CHFR: variants seen among roughly 807,000 people sequenced by gnomAD.
CHFR encodes the protein E3 ubiquitin-protein ligase CHFR.
Under a neutral mutation model 87.6 loss-of-function variants are expected in CHFR, and 57 were observed. The ratio of observed to expected loss-of-function variants is 0.65; its 90% confidence interval spans 0.53 to 0.81. CHFR has a LOEUF of 0.81. Among genes scored for constraint, CHFR ranks in the 30% least tolerant of loss-of-function variants. CHFR has a pLI of 0.00. For synonymous variants in CHFR, 381 were observed against 359.2 expected (o/e 1.06, Z -0.69); for missense variants, 797 against 865.8 (o/e 0.92, Z 1.00).
chr12:132,870,204 T>C (rs958270044), intron 5 of CHFR, among the ~76,000 whole-genome samples: 4 of 151,978 alleles, frequency 2.6e-5, no homozygotes, highest in South Asian at 2.1e-4. Flanking sequence ...TACAAAAAAT[T>C]AGCTGGGCAT....
Position 132,839,672 on chromosome 12 carries a change from C to CGG in CHFR, c.*1881_*1882insCC, listed in dbSNP as rs1410612498. The CGG allele has an allele frequency of 4.9e-5, 8 of 164,394 alleles. No individual in the cohort carries two copies. The highest frequency in any genetic ancestry group is 9.8e-5 in the South Asian group (1 of 10,158). The allele number at this position is 164,394 out of a possible 1,614,324, so 10.2% of individuals were successfully genotyped here. A position where few individuals can be genotyped will look rare whatever the true frequency, so the allele number is the denominator to read the frequency against. Reference sequence around the variant, plus strand: ...TGCACAAACTCAGGACCTCCCCTCTCCCTCACCCCTGCACCAACTCAAGAC... The same window carrying CGG: ...TGCACAAACTCAGGACCTCCCCTCTCGGCCTCACCCCTGCACCAACTCAAGAC... On this transcript the variant is annotated 3_prime_UTR_variant, in exon 18 of 18. Transcript: ENST00000450056.
At chr12:132,866,360 A>G (rs1566192980) in intron 6 of CHFR, 1 of 152,228 alleles carries the variant, frequency 6.6e-6, no homozygotes, top group East Asian at 1.9e-4. Flanking sequence ...CTGGAATGTT[A>G]CAACACACCA....
At position 132,835,898 on chromosome 12, in the gene CHFR, C is replaced by G. The variant is rs1415622088; in HGVS notation, c.*5656G>C. 1 of 261,302 alleles carries G rather than the reference C, an allele frequency of 3.8e-6. No individual in the cohort carries two copies. Among genetic ancestry groups the G allele is most frequent in the African/African-American group, 3.0e-5 (1 of 33,196 alleles). 16.2% of individuals were successfully genotyped at this position (261,302 alleles called of 1,614,324 possible). On this transcript the variant is annotated 3_prime_UTR_variant, in exon 18 of 18. Coordinates refer to ENST00000450056, the MANE Select transcript of CHFR (RefSeq NM_001161346.2). ...GCACGGCGCACGGCACTCACAGTGC[C>G]AGGCTCCCAGCACGGCGCACGGCAC... is the stretch of plus-strand genomic sequence containing the variant.
In CHFR at chr12:132,847,145, A is replaced by C; in HGVS notation, c.1648-15T>G. The stretch of plus-strand genomic sequence containing the variant: ...GCCAGGTAATTCTGTGACGCAAAAA[A>C]AGAGAGGAATAAGAAATACTCGTTT... On this transcript the variant is annotated splice_polypyrimidine_tract_variant and intron_variant, in intron 14 of 17. Coordinates refer to ENST00000450056, the MANE Select transcript of CHFR (RefSeq NM_001161346.2). 1.9e-6 allele frequency: 3 copies of C among 1,613,256 alleles called. No individual in the cohort carries two copies. Among genetic ancestry groups the C allele is most frequent in the Non-Finnish European group, 2.5e-6 (3 of 1,179,462 alleles).
intron 16 of CHFR, 22 bp from the exon 17 acceptor site, chr12:132,843,105 G>C (rs766957926): frequency 6.2e-7 from 1 of 1,605,040 alleles, no homozygotes; most frequent in Non-Finnish European, 8.5e-7. Context: ...GAAGGGGTAC[G>C]CATCTATGAG....
In CHFR at chr12:132,869,743, C is replaced by T. The variant is rs777219646; in HGVS notation, c.459G>A (p.Ser153=). 5.2e-6 allele frequency: 8 copies of T among 1,551,196 alleles called. No homozygotes were observed. The highest frequency in any genetic ancestry group is 2.4e-5 in the East Asian group (1 of 40,914). The change falls in exon 6 of 18, where the codon TCG becomes TCA. Residue 153 remains serine (S), a synonymous_variant. Transcript: ENST00000450056. ...CCTCAAAGCACACCTGAGTGGCGGG[C>T]GACGACGGAGGGACCCGGGGATCGG... ...RGADPRVPPS[S]PATQVCFEEP...
intron 6 of CHFR, chr12:132,866,613 A>AT: frequency 6.6e-6 from 1 of 151,582 alleles, no homozygotes; most frequent in South Asian, 2.1e-4. Flanking sequence ...CACACCAGAA[A>AT]GTTACAACAC....
chr12:132,873,710 C>G (rs1951550361), intron 3 of CHFR, among the ~76,000 whole-genome samples: 1 of 151,616 alleles, frequency 6.6e-6, no homozygotes, highest in Non-Finnish European at 1.5e-5. Flanking sequence ...TCTGTGTCCT[C>G]CTGCTCCACA....
Position 132,851,711 on chromosome 12 carries a change from G to A in CHFR, c.1399C>T (p.Gln467Ter), listed in dbSNP as rs2136945164. ...TAVQDYVCPL[Q>*]GSHALCTCCF... ...CAGGTGCACAGGGCGTGGCTTCCTT[G>A]CAGAGGGCACACGTAATCCTGGACT... The change falls in exon 12 of 18, where the codon CAA (glutamine) becomes TAA (stop). Residue 467 changes from glutamine (Q) to a stop codon, truncating the protein, a stop_gained. Coordinates refer to ENST00000450056, the MANE Select transcript of CHFR (RefSeq NM_001161346.2). LOFTEE classifies it high-confidence loss of function. 4 of 1,613,472 alleles carry A rather than the reference G, an allele frequency of 2.5e-6. No homozygotes were observed. In the South Asian group the frequency reaches 4.4e-5, roughly 18 times the overall value.
chr12:132,847,635 C>T (rs1259930872), intron 14 of CHFR: 14 of 1,079,376 alleles, frequency 1.3e-5, no homozygotes, highest in East Asian at 1.5e-4. Context: ...GCAAAGTGCT[C>T]GGCAGGAGGG....
rs1950626412 is a variant in CHFR, at chr12:132,832,986, TG to T, written c.*8567del. On this transcript the variant is annotated 3_prime_UTR_variant, in exon 18 of 18. Transcript: ENST00000450056. ...GCCTCTTCTGGACATTTCATAGAAATGGGATCATATCGTATGTGGCCTTCTG... is the reference window on the plus strand; with the variant it reads ...GCCTCTTCTGGACATTTCATAGAAATGGATCATATCGTATGTGGCCTTCTG... 1 of 152,218 alleles carries T rather than the reference TG, an allele frequency of 6.6e-6. No individual in the cohort carries two copies. The highest frequency in any genetic ancestry group is 1.5e-5 in the Non-Finnish European group (1 of 68,044). The allele number at this position is 152,218 out of a possible 1,614,324, so 9.4% of individuals were successfully genotyped here. A position where few individuals can be genotyped will look rare whatever the true frequency, so the allele number is the denominator to read the frequency against.
intron 2 of CHFR, among the ~76,000 whole-genome samples, chr12:132,878,745 G>A (rs12828130): frequency 0.27 from 39,904 of 147,872 alleles, 5,690 homozygotes; most frequent in Middle Eastern, 0.43. Context: ...GCGAGAACCC[G>A]GGAGGAGGAG....
chr12:132,851,534 TA>T (rs1348510957), intron 12 of CHFR, 83 bp downstream of exon 12: 4 of 1,412,612 alleles, frequency 2.8e-6, no homozygotes, highest in Non-Finnish European at 3.7e-6. Flanking sequence ...CTTCACAGGT[TA>T]CCCTAAGGCC....
In CHFR at chr12:132,856,626, CTT is replaced by C. The variant is rs777961507; in HGVS notation, c.1069_1070del (p.Lys357GlufsTer4). Reference protein sequence around the residue: ...VEAYLIQHPDKSRSEEDVQSM... With the variant: ...VEAYLIQHPDXSRSEEDVQSM... ...TTTGCACATCTTCTTCACTGCGACT[CTT>C]GTCTAGAATTGAAAGGACACAGCGC... On this transcript the variant is annotated frameshift_variant and splice_region_variant, in exon 10 of 18. Transcript: ENST00000450056. LOFTEE classifies it high-confidence loss of function. The C allele has an allele frequency of 1.9e-6, 3 of 1,613,944 alleles. No homozygotes were observed. Among genetic ancestry groups the C allele is most frequent in the Non-Finnish European group, 2.5e-6 (3 of 1,179,938 alleles).
chr12:132,842,892 C>A (rs1950732101), intron 17 of CHFR, 119 bp downstream of exon 17: 6 of 793,156 alleles, frequency 7.6e-6, no homozygotes, highest in African/African-American at 1.7e-5. Context: ...AATGAAGATA[C>A]CGGTTCCTAA....
chr12:132,876,383 C>T (rs1315700355), intron 3 of CHFR, among the ~76,000 whole-genome samples: 1 of 152,086 alleles, frequency 6.6e-6, no homozygotes, highest in Non-Finnish European at 1.5e-5. Flanking sequence ...ACCAACAAGA[C>T]ACTCAAAAAA....
In CHFR at chr12:132,856,464, T is replaced by C; in HGVS notation, c.1229+4A>G. On this transcript the variant is annotated splice_donor_region_variant and intron_variant, in intron 10 of 17. Coordinates refer to ENST00000450056, the MANE Select transcript of CHFR (RefSeq NM_001161346.2). ...CTCTGCTCTGAGCCAGGGGCATGAT[T>C]TACCTAATGTCTGAGGACTCACTGT... is the stretch of plus-strand genomic sequence containing the variant. 1 of 1,613,834 alleles carries C rather than the reference T, an allele frequency of 6.2e-7. No individual in the cohort carries two copies. Among genetic ancestry groups the C allele is most frequent in the Non-Finnish European group, 8.5e-7 (1 of 1,180,004 alleles).
chr12:132,864,756 G>A (rs1951295556), intron 6 of CHFR, among the ~76,000 whole-genome samples: 1 of 152,138 alleles, frequency 6.6e-6, no homozygotes, highest in African/African-American at 2.4e-5. Flanking sequence ...CCAAAGTGCT[G>A]GGATTACAGG....
In CHFR at chr12:132,844,007, G is replaced by A; in HGVS notation, c.1843+20C>T. The A allele has an allele frequency of 1.3e-6, 2 of 1,502,596 alleles. No individual in the cohort carries two copies. The highest frequency in any genetic ancestry group is 3.4e-4 in the Middle Eastern group (2 of 5,860). The allele number at this position is 1,502,596 out of a possible 1,614,324, so 93.1% of individuals were successfully genotyped here. A position where few individuals can be genotyped will look rare whatever the true frequency, so the allele number is the denominator to read the frequency against. On this transcript the variant is annotated intron_variant, in intron 16 of 17. Coordinates refer to ENST00000450056, the MANE Select transcript of CHFR (RefSeq NM_001161346.2). ...AACCCAGACAGAACTAGAGCCATGA[G>A]GAAGTCGGGGGCTCCTTACCTGGCA...
Sources: gnomAD v4.1 joint callset for allele counts (sites outside exome capture counted in the v4.1 genomes callset) on GRCh38, gnomAD v4.1.1 for gene constraint, MANE v1.5 for transcripts, NCBI Gene and HGNC (gene_info 2026-07-23, HGNC 2026-07-21) for gene names.